Variants in ARMC8 observed in about 807,000 individuals in gnomAD.
The protein encoded by ARMC8 is armadillo repeat-containing protein 8.
Under a neutral mutation model 99.3 loss-of-function variants are expected in ARMC8, and 20 were observed. The observed-to-expected ratio is 0.20, with a 90% confidence interval of 0.14 to 0.29. The LOEUF is 0.29. Ranked by LOEUF, ARMC8 falls within the 10% of genes least tolerant of loss-of-function variation. The pLI is 1.00. For missense variants in ARMC8, 569 were observed against 809.5 expected, an observed-to-expected ratio of 0.70 and a Z score of 3.60; for synonymous variants, 263 against 278.3, an observed-to-expected ratio of 0.95 and a Z score of 0.55.
chr3:138,190,281 CTTTTTTT>C (rs141579108), intron 1 of ARMC8, among the ~76,000 whole-genome samples: 2 of 114,370 alleles, frequency 1.7e-5, no homozygotes, highest in Non-Finnish European at 3.6e-5. Flanking sequence ...ATTTTCTTAT[CTTTTTTT>C]TTTTTTTTTT....
chr3:138,262,554 T>C (rs2047850114), intron 12 of ARMC8: 2 of 1,612,212 alleles, frequency 1.2e-6, no homozygotes, highest in African/African-American at 1.3e-5. Context: ...TCTAGGTCAG[T>C]GATCTTCAAC....
chr3:138,267,208 TA>T lies in ARMC8; in HGVS notation c.1355del (p.Asn452IlefsTer19). On this transcript the variant is annotated frameshift_variant, in exon 15 of 22. Coordinates refer to ENST00000469044, the MANE Select transcript of ARMC8 (RefSeq NM_001363941.2). LOFTEE classifies it high-confidence loss of function. ...TAGTGGTAGCATCTTCCATGCTGTGTAATCTTCTTCTTGAATTTTCTCCAAG... is the reference window on the plus strand; with the variant it reads ...TAGTGGTAGCATCTTCCATGCTGTGTATCTTCTTCTTGAATTTTCTCCAAG... ...ILVVASSMLC[N>X]LLLEFSPSKE... The T allele has an allele frequency of 6.3e-7, 1 of 1,580,972 alleles. No individual in the cohort carries two copies.
chr3:138,276,676 C>T (rs1576951775), intron 18 of ARMC8, among the ~76,000 whole-genome samples: 2 of 152,148 alleles, frequency 1.3e-5, no homozygotes, highest in East Asian at 3.9e-4. Flanking sequence ...TTTGCAGTAA[C>T]TTAGAAAAAA....
At chr3:138,245,379 C>T (rs1366096139) in intron 12 of ARMC8, 196 bp downstream of exon 12, 2 of 1,421,270 alleles carry the variant, frequency 1.4e-6, no homozygotes, top group African/African-American at 2.9e-5. Flanking sequence ...CATAGAGTGG[C>T]ATGGCCGTGC....
intron 20 of ARMC8, 70 bp downstream of exon 20, chr3:138,289,190 G>A (rs2050714577): frequency 2.4e-6 from 3 of 1,225,704 alleles, no homozygotes; most frequent in Admixed American, 1.9e-5. Context: ...AAGCTAGCAG[G>A]TGCCCCTGAG....
chr3:138,230,642 A>C (rs1179142875), intron 6 of ARMC8, among the ~76,000 whole-genome samples: 1 of 152,198 alleles, frequency 6.6e-6, no homozygotes, highest in African/African-American at 2.4e-5. Flanking sequence ...TCACAGAACG[A>C]GACCCTGTCT....
At chr3:138,264,487 T>C (rs1443406377) in intron 14 of ARMC8, among the ~76,000 whole-genome samples, 1 of 149,326 alleles carries the variant, frequency 6.7e-6, no homozygotes, top group East Asian at 2.0e-4. Flanking sequence ...TGGCATGATC[T>C]TGGCTCACTG....
intron 18 of ARMC8, among the ~76,000 whole-genome samples, chr3:138,282,679 C>T (rs934437174): frequency 2.0e-5 from 3 of 150,418 alleles, no homozygotes; most frequent in African/African-American, 7.3e-5. Context: ...TATTTAATTA[C>T]CTTATCCTGT....
intron 1 of ARMC8, chr3:138,188,573 A>G: frequency 6.2e-7 from 1 of 1,613,148 alleles, no homozygotes; most frequent in Non-Finnish European, 8.5e-7. Context: ...GGAAACAAGC[A>G]GGCAAATACT....
intron 11 of ARMC8, among the ~76,000 whole-genome samples, chr3:138,243,195 C>CA (rs1478403273): frequency 6.6e-6 from 1 of 152,214 alleles, no homozygotes; most frequent in African/African-American, 2.4e-5. Flanking sequence ...GTAGCCTATG[C>CA]ATATGCAAAT....
chr3:138,237,162 T>C, intron 7 of ARMC8, 147 bp from the exon 8 acceptor site: 3 of 659,990 alleles, frequency 4.5e-6, no homozygotes, highest in East Asian at 2.8e-5. Flanking sequence ...ACTCTGCAGC[T>C]GTACAGGTGT....
chr3:138,225,359 T>A lies in ARMC8; in HGVS notation c.435+1626T>A, dbSNP rs545989916. The stretch of plus-strand genomic sequence containing the variant: ...CTCCTGACCTCATGATCTGCCCGCC[T>A]CGGCCTCCCAAAGTGCTGGGATTAC... On this transcript the variant is annotated intron_variant, in intron 5 of 21. Coordinates refer to ENST00000469044, the MANE Select transcript of ARMC8 (RefSeq NM_001363941.2). Among the ~76,000 whole-genome samples, 4 of 152,306 alleles carry A rather than the reference T, an allele frequency of 2.6e-5. No homozygotes were observed. The South Asian group carries it at 8.3e-4, about 32-fold the overall frequency.
intron 6 of ARMC8, among the ~76,000 whole-genome samples, chr3:138,232,770 G>A (rs535618899): frequency 1.6e-3 from 251 of 152,298 alleles, no homozygotes; most frequent in Non-Finnish European, 2.0e-3. Flanking sequence ...ATATATTTAC[G>A]TATCTGCTGT....
At chr3:138,211,246 A>G (rs2044679953) in intron 2 of ARMC8, among the ~76,000 whole-genome samples, 1 of 152,196 alleles carries the variant, frequency 6.6e-6, no homozygotes, top group Non-Finnish European at 1.5e-5. Context: ...AGATAATTCT[A>G]AGTATTACTT....
At chr3:138,258,656 T>G (rs1308536057) in intron 12 of ARMC8, among the ~76,000 whole-genome samples, 3 of 152,214 alleles carry the variant, frequency 2.0e-5, no homozygotes, top group Admixed American at 1.3e-4. Flanking sequence ...TAATAGATCC[T>G]TATCCACTCC....
At chr3:138,284,905 GTTTGC>G (rs539652754) in intron 19 of ARMC8, among the ~76,000 whole-genome samples, 125 of 152,256 alleles carry the variant, frequency 8.2e-4, no homozygotes, top group African/African-American at 2.8e-3. Flanking sequence ...TCCTTTACCT[GTTTGC>G]TTCTAAACAA....
intron 2 of ARMC8, among the ~76,000 whole-genome samples, chr3:138,213,436 T>C (rs143852564): frequency 5.5e-4 from 84 of 152,320 alleles, no homozygotes; most frequent in African/African-American, 1.9e-3. Context: ...TGTAAAAGGT[T>C]TGAATACAAA....
intron 7 of ARMC8, 42 bp from the exon 8 acceptor site, chr3:138,237,267 C>T (rs367918660): frequency 1.3e-6 from 2 of 1,562,206 alleles, no homozygotes; most frequent in Non-Finnish European, 1.8e-6. Context: ...TTTGCATTTG[C>T]AGAATTAAAC....
At chr3:138,258,367 A>G (rs778942535) in intron 12 of ARMC8, among the ~76,000 whole-genome samples, 13 of 152,192 alleles carry the variant, frequency 8.5e-5, no homozygotes, top group Non-Finnish European at 1.6e-4. Context: ...CAAAGACCAT[A>G]TCTCTGACTC....
Sources: allele counts gnomAD v4.1 joint callset (sites outside exome capture counted in the v4.1 genomes callset), GRCh38; gene constraint gnomAD v4.1.1; transcripts MANE v1.5; gene names NCBI Gene and HGNC (gene_info 2026-07-23, HGNC 2026-07-21).